The following PKHD1 variants were observed in gnomAD, a reference collection of about 807,000 sequenced individuals.
PKHD1 encodes the protein PKHD1 ciliary IPT domain containing fibrocystin/polyductin, also known as fibrocystin.
PKHD1 carries 291 observed loss-of-function variants against 412.0 expected under a neutral mutation model. The observed-to-expected ratio is 0.71, with a 90% CI of 0.64 to 0.78. PKHD1 has a LOEUF of 0.78. PKHD1 is among the 30% of genes least tolerant of loss of function. The pLI is 0.00. For synonymous variants in PKHD1, 1,777 were observed against 1,821.5 expected (o/e 0.98, Z 0.62); for missense variants, 4,825 against 4,950.7 (o/e 0.97, Z 0.76).
Position 51,981,345 on chromosome 6 carries a change from CCCTCTCCCTCTCCCTCT to C in PKHD1, c.5752-21336_5752-21320del, listed in dbSNP as rs1795187471. On this transcript the variant is annotated intron_variant, in intron 35 of 66. Transcript: ENST00000371117. The stretch of plus-strand genomic sequence containing the variant: ...TCCCTCTCCCTCTCCCTCTCCCTCT[CCCTCTCCCTCTCCCTCT>C]CCCTCTCCCTCCACGGTCTCCCTCT... Among the ~76,000 whole-genome samples the C allele has an allele frequency of 1.8e-4, 17 of 95,774 alleles. No individual in the cohort carries two copies. The South Asian group carries it at 3.1e-3, about 17-fold the overall frequency. The allele number at this position is 95,774 out of a possible 152,430, so 62.8% of individuals were successfully genotyped here. A position where few individuals can be genotyped will look rare whatever the true frequency, so the allele number is the denominator to read the frequency against.
chr6:51,751,175 G>A (rs900213227), intron 57 of PKHD1, among the ~76,000 whole-genome samples: 13 of 152,102 alleles, frequency 8.5e-5, no homozygotes, highest in African/African-American at 1.7e-4. Flanking sequence ...AACTTGCTGG[G>A]TATTATTCAG....
intron 46 of PKHD1, among the ~76,000 whole-genome samples, chr6:51,880,979 AG>A (rs1470329299): frequency 8.9e-4 from 134 of 150,670 alleles, no homozygotes; most frequent in African/African-American, 3.2e-3. Context: ...AAAAAAAAAA[AG>A]AAAGTGTTAA....
rs538359596 is a variant in PKHD1, at chr6:51,927,272, G to A, written c.6121+6838C>T. Among the ~76,000 whole-genome samples the A allele has an allele frequency of 6.6e-5, 10 of 152,110 alleles. No individual in the cohort carries two copies. The South Asian group carries it at 2.1e-3, about 32-fold the overall frequency. On this transcript the variant is annotated intron_variant, in intron 37 of 66. Coordinates refer to ENST00000371117, the MANE Select transcript of PKHD1 (RefSeq NM_138694.4). ...TTTTTACATACATAGCAGGTTGTTG[G>A]GTGGGACTTCTGCTCCTCTAGAACC...
At chr6:51,976,609 T>C (rs1005522712) in intron 35 of PKHD1, among the ~76,000 whole-genome samples, 3 of 152,230 alleles carry the variant, frequency 2.0e-5, no homozygotes, top group African/African-American at 7.2e-5. Context: ...ACACTTAAAA[T>C]TAGTTAAAAT....
chr6:51,667,181 T>TTTC (rs1286161374), intron 60 of PKHD1, among the ~76,000 whole-genome samples: 1 of 138,964 alleles, frequency 7.2e-6, no homozygotes, highest in African/African-American at 2.8e-5. Flanking sequence ...AGTGTTCCTA[T>TTTC]TTCTCGACAT....
intron 41 of PKHD1, 151 bp from the exon 42 acceptor site, chr6:51,904,193 T>A (rs1781723048): frequency 1.5e-6 from 1 of 655,992 alleles, no homozygotes. Flanking sequence ...AGATCTTATG[T>A]ACTCTTCAGT....
chr6:51,717,062 A>T (rs1203816221), intron 60 of PKHD1, among the ~76,000 whole-genome samples: 1 of 152,196 alleles, frequency 6.6e-6, no homozygotes. Flanking sequence ...TAAGGTTCTT[A>T]GAGTTGTGAC....
At chr6:51,899,025 T>C (rs1780702640) in intron 43 of PKHD1, among the ~76,000 whole-genome samples, 1 of 152,152 alleles carries the variant, frequency 6.6e-6, no homozygotes, top group Non-Finnish European at 1.5e-5. Context: ...CAATAATCAA[T>C]AGCTTACCAA....
At chr6:52,072,442 A>G (rs560155210) in intron 7 of PKHD1, among the ~76,000 whole-genome samples, 2 of 152,134 alleles carry the variant, frequency 1.3e-5, no homozygotes, top group Non-Finnish European at 2.9e-5. Context: ...TCATCTCCAC[A>G]CTGGCTATAT....
chr6:51,944,929 T>C (rs1001394556), intron 36 of PKHD1, among the ~76,000 whole-genome samples: 89 of 152,338 alleles, frequency 5.8e-4, no homozygotes, highest in African/African-American at 1.9e-3. Flanking sequence ...TTGTCATATA[T>C]AATATTTCAT....
At chr6:51,665,426 T>C (rs1773579597) in intron 60 of PKHD1, among the ~76,000 whole-genome samples, 1 of 152,070 alleles carries the variant, frequency 6.6e-6, no homozygotes, top group Non-Finnish European at 1.5e-5. Flanking sequence ...TTTCCTTTTA[T>C]AAAGAAAGTT....
intron 60 of PKHD1, among the ~76,000 whole-genome samples, chr6:51,725,000 T>C (rs1365561285): frequency 6.6e-6 from 1 of 152,190 alleles, no homozygotes; most frequent in Non-Finnish European, 1.5e-5. Flanking sequence ...AGAGAGGAAC[T>C]ACTACAAATG....
In PKHD1 at chr6:52,073,444, A is replaced by G. The variant is rs9474140; in HGVS notation, c.527+19T>C. 0.25 allele frequency: 385,108 copies of G among 1,530,006 alleles called. 50,959 individuals are homozygous for G. The highest frequency in any genetic ancestry group is 0.43 in the East Asian group (18,944 of 44,370). 94.8% of individuals were successfully genotyped at this position (1,530,006 alleles called of 1,614,324 possible). ...GCATGTATGTAACTAGTTAAACACAAAAACAAACACACACTTACCTATCAA... is the reference window on the plus strand; with the variant it reads ...GCATGTATGTAACTAGTTAAACACAGAAACAAACACACACTTACCTATCAA... On this transcript the variant is annotated intron_variant, in intron 7 of 66. Transcript: ENST00000371117.
At position 51,945,501 on chromosome 6, in the gene PKHD1, T is replaced by A. The variant is rs906892243; in HGVS notation, c.5909-11179A>T. On this transcript the variant is annotated intron_variant, in intron 36 of 66. Coordinates refer to ENST00000371117, the MANE Select transcript of PKHD1 (RefSeq NM_138694.4). ...AGAACACTTGACGTCTACATCTTTA[T>A]GAATGCAGTCAGATGTGCATGGGAC... Among the ~76,000 whole-genome samples the A allele has an allele frequency of 1.3e-4, 20 of 152,196 alleles. 1 individual carries two copies.
intron 60 of PKHD1, 99 bp downstream of exon 60, chr6:51,744,286 C>G: frequency 9.6e-7 from 1 of 1,043,174 alleles, no homozygotes; most frequent in East Asian, 2.4e-5. Context: ...GAATTTAGGT[C>G]TTCACCAGTA....
chr6:51,862,864 G>A (rs928062016), intron 48 of PKHD1, among the ~76,000 whole-genome samples: 8 of 152,142 alleles, frequency 5.3e-5, no homozygotes, highest in Admixed American at 1.3e-4. Flanking sequence ...TCAGTACAAC[G>A]TCATATGATT....
intron 51 of PKHD1, among the ~76,000 whole-genome samples, chr6:51,832,990 C>T (rs1768534789): frequency 6.6e-6 from 1 of 152,166 alleles, no homozygotes; most frequent in East Asian, 1.9e-4. Context: ...AACTCCAATA[C>T]TGTAATACCT....
intron 36 of PKHD1, among the ~76,000 whole-genome samples, chr6:51,943,431 G>C (rs1014104896): frequency 1.3e-5 from 2 of 149,388 alleles, no homozygotes; most frequent in Non-Finnish European, 3.0e-5. Flanking sequence ...ACTATCTTCT[G>C]TCTAGTCATA....
intron 27 of PKHD1, among the ~76,000 whole-genome samples, chr6:52,036,535 C>G (rs539898779): frequency 7.2e-5 from 11 of 152,314 alleles, no homozygotes; most frequent in African/African-American, 1.9e-4. Flanking sequence ...GCCTTACCCC[C>G]CCTTGAGGGT....
Sources: gnomAD v4.1 joint callset for allele counts (sites outside exome capture counted in the v4.1 genomes callset) on GRCh38, gnomAD v4.1.1 for gene constraint, MANE v1.5 for transcripts, NCBI Gene and HGNC (gene_info 2026-07-23, HGNC 2026-07-21) for gene names.